TENM3: variants seen among roughly 807,000 people sequenced by gnomAD.
TENM3 encodes the protein teneurin transmembrane protein 3.
Under a neutral mutation model 255.1 loss-of-function variants are expected in TENM3, and 63 were observed. The observed-to-expected ratio is 0.25, with a 90% confidence interval of 0.20 to 0.30. TENM3 has a LOEUF of 0.30. Among genes scored for constraint, TENM3 ranks in the 10% least tolerant of loss-of-function variants. The pLI is 1.00. For missense variants in TENM3, 2,929 were observed against 3,461.1 expected, an observed-to-expected ratio of 0.85 and a Z score of 3.86; for synonymous variants, 1,306 against 1,322.3, an observed-to-expected ratio of 0.99 and a Z score of 0.27.
At chr4:182,708,940 G>T (rs1758524721) in intron 12 of TENM3, among the ~76,000 whole-genome samples, 6 of 152,084 alleles carry the variant, frequency 3.9e-5, no homozygotes, top group Admixed American at 3.3e-4. Flanking sequence ...AGTATTTTAT[G>T]ACTGCAACAT....
the TENM3 span, among the ~76,000 whole-genome samples, chr4:181,741,082 T>C: frequency 1.7e-3 from 253 of 152,298 alleles, 2 homozygotes; most frequent in African/African-American, 5.8e-3. Context: ...ATGACTGAAA[T>C]GGAATAAAAA....
chr4:182,324,143 C>T lies in TENM3; in HGVS notation c.123C>T (p.Tyr41=). 6.2e-7 allele frequency: 1 copy of T among 1,614,022 alleles called. No individual in the cohort carries two copies. Among genetic ancestry groups the T allele is most frequent in the Non-Finnish European group, 8.5e-7 (1 of 1,179,888 alleles). Residue 41 remains tyrosine (Y), a synonymous_variant, in exon 2 of 28, where the codon TAC becomes TAT. Transcript: ENST00000511685. ...EECRVPTQKS[Y]SSSETLKAFD... is the part of the protein sequence containing the mutation. Reference sequence around the variant, plus strand: ...GCCGGGTACCCACACAGAAGTCCTACAGTTCCAGCGAGACATTGAAAGCTT... The same window carrying T: ...GCCGGGTACCCACACAGAAGTCCTATAGTTCCAGCGAGACATTGAAAGCTT...
chr4:181,801,649 AAAATATATATATATATATAT>A, the TENM3 span, among the ~76,000 whole-genome samples: 2 of 113,428 alleles, frequency 1.8e-5, no homozygotes, highest in South Asian at 2.7e-4. Flanking sequence ...AAAGAATTGT[AAAATATATATATATATATAT>A]ATATATATAT....
the TENM3 span, among the ~76,000 whole-genome samples, chr4:182,058,409 A>T: frequency 1.3e-5 from 2 of 152,122 alleles, no homozygotes; most frequent in South Asian, 2.1e-4. Context: ...TTTTTAGGTG[A>T]TATGTTGACT....
At chr4:182,232,000 T>C (rs1379330820) in intron 1 of TENM3, among the ~76,000 whole-genome samples, 2 of 152,230 alleles carry the variant, frequency 1.3e-5, no homozygotes, top group African/African-American at 4.8e-5. Flanking sequence ...ATCATTTGCC[T>C]AAACTTCCTG....
the TENM3 span, among the ~76,000 whole-genome samples, chr4:181,959,835 T>C: frequency 1.3e-5 from 2 of 152,154 alleles, no homozygotes; most frequent in African/African-American, 4.8e-5. Context: ...ACCACTTAAA[T>C]TGGTATTTAA....
intron 13 of TENM3, among the ~76,000 whole-genome samples, chr4:182,728,271 A>G (rs1234147033): frequency 6.6e-6 from 1 of 152,218 alleles, no homozygotes; most frequent in Non-Finnish European, 1.5e-5. Context: ...TTCGTCCTAC[A>G]TAGATTCCTA....
At chr4:182,791,765 A>T (rs753289608) in intron 25 of TENM3, among the ~76,000 whole-genome samples, 6 of 152,094 alleles carry the variant, frequency 3.9e-5, no homozygotes, top group Non-Finnish European at 8.8e-5. Flanking sequence ...GGCTAATTTT[A>T]TGTCTTTATA....
the TENM3 span, among the ~76,000 whole-genome samples, chr4:181,666,376 A>G: frequency 2.0e-5 from 3 of 152,202 alleles, no homozygotes; most frequent in Non-Finnish European, 1.5e-5. Context: ...AACTTCCAAA[A>G]TTCATGATTC....
intron 24 of TENM3, among the ~76,000 whole-genome samples, chr4:182,778,766 G>C (rs1764900725): frequency 1.3e-5 from 2 of 151,934 alleles, no homozygotes; most frequent in Admixed American, 6.6e-5. Flanking sequence ...TTTTTTCCAT[G>C]CTTACTTAAA....
chr4:182,757,041 G>A (rs185977836), intron 22 of TENM3, among the ~76,000 whole-genome samples: 3 of 152,156 alleles, frequency 2.0e-5, no homozygotes, highest in East Asian at 1.9e-4. Flanking sequence ...GGCCGGGCGC[G>A]GTGGCTCACA....
At chr4:182,450,418 C>G (rs1773357229) in intron 3 of TENM3, among the ~76,000 whole-genome samples, 1 of 151,706 alleles carries the variant, frequency 6.6e-6, no homozygotes, top group African/African-American at 2.4e-5. Context: ...TTTTTTCCAG[C>G]GGACTCCCAG....
chr4:181,500,334 G>GAA, the TENM3 span, among the ~76,000 whole-genome samples: 1,162 of 139,648 alleles, frequency 8.3e-3, 4 homozygotes, highest in Non-Finnish European at 0.013. Context: ...CGGCCTTATG[G>GAA]AAAAAAAAAA....
At chr4:182,640,070 T>C (rs1418468050) in intron 5 of TENM3, among the ~76,000 whole-genome samples, 1 of 152,158 alleles carries the variant, frequency 6.6e-6, no homozygotes, top group Admixed American at 6.5e-5. Context: ...AGCCTGGCAA[T>C]AGAGCAAGAC....
At chr4:181,452,841 C>T in the TENM3 span, among the ~76,000 whole-genome samples, 1 of 152,092 alleles carries the variant, frequency 6.6e-6, no homozygotes, top group African/African-American at 2.4e-5. Context: ...CAAAAGACTT[C>T]ATTGGTTTGG....
At chr4:182,122,730 A>G in the TENM3 span, among the ~76,000 whole-genome samples, 1 of 152,176 alleles carries the variant, frequency 6.6e-6, no homozygotes, top group Non-Finnish European at 1.5e-5. Context: ...ATTGGCTTCA[A>G]CTTCAAGTAA....
chr4:182,665,722 C>T (rs1240255273), intron 6 of TENM3, among the ~76,000 whole-genome samples: 2 of 151,958 alleles, frequency 1.3e-5, no homozygotes, highest in African/African-American at 2.4e-5. Flanking sequence ...GGTGAAACCC[C>T]GTCTCTACAA....
chr4:182,115,082 G>A, the TENM3 span, among the ~76,000 whole-genome samples: 1 of 152,176 alleles, frequency 6.6e-6, no homozygotes, highest in African/African-American at 2.4e-5. Context: ...TCAGGAGGCT[G>A]AGGCAGAAGA....
At chr4:182,452,231 G>T (rs1416361561) in intron 3 of TENM3, among the ~76,000 whole-genome samples, 1 of 151,502 alleles carries the variant, frequency 6.6e-6, no homozygotes, top group African/African-American at 2.4e-5. Context: ...GAATGTTGTG[G>T]GAAAATGGTA....
Sources: gnomAD v4.1 joint callset for allele counts (sites outside exome capture counted in the v4.1 genomes callset) on GRCh38, gnomAD v4.1.1 for gene constraint, MANE v1.5 for transcripts, NCBI Gene and HGNC (gene_info 2026-07-23, HGNC 2026-07-21) for gene names.